HBEGF: variants seen among roughly 807,000 people sequenced by gnomAD.
The protein encoded by HBEGF is heparin binding EGF like growth factor, also known as proheparin-binding EGF-like growth factor.
In HBEGF, 8 loss-of-function variants were observed where a neutral mutation model predicts 19.5. That is an observed-to-expected ratio of 0.41 (90% confidence interval 0.24 to 0.74). The LOEUF is 0.74. HBEGF is among the 30% of genes least tolerant of loss of function. The probability of loss-of-function intolerance (pLI) is 0.32; values close to 1 mark genes in which losing one functional copy is unlikely to be tolerated. For missense variants in HBEGF, 207 were observed against 256.9 expected, an observed-to-expected ratio of 0.81 and a Z score of 1.33; for synonymous variants, 97 against 108.9, an observed-to-expected ratio of 0.89 and a Z score of 0.68.
intron 2 of HBEGF, among the ~76,000 whole-genome samples, chr5:140,344,567 T>C (rs1766365694): frequency 6.6e-6 from 1 of 151,904 alleles, no homozygotes; most frequent in Non-Finnish European, 1.5e-5. Flanking sequence ...TCCCCAGACC[T>C]GAAAAATAGT....
intron 2 of HBEGF, among the ~76,000 whole-genome samples, chr5:140,345,170 C>A (rs1276090907): frequency 6.6e-6 from 1 of 152,202 alleles, no homozygotes; most frequent in African/African-American, 2.4e-5. Flanking sequence ...TCTGGATAAT[C>A]TCCTCAGGTT....
intron 4 of HBEGF, among the ~76,000 whole-genome samples, chr5:140,335,307 C>T (rs886865764): frequency 2.6e-5 from 4 of 150,972 alleles, no homozygotes; most frequent in African/African-American, 9.7e-5. Flanking sequence ...TGGCGTGAAC[C>T]CAGGAGGCGG....
chr5:140,340,914 C>T (rs1161962396), intron 3 of HBEGF, among the ~76,000 whole-genome samples: 3 of 152,168 alleles, frequency 2.0e-5, no homozygotes, highest in African/African-American at 4.8e-5. Flanking sequence ...AAATTACTTC[C>T]TATTTTCTGG....
Position 140,346,238 on chromosome 5 carries a change from C to G in HBEGF, c.46+45G>C, listed in dbSNP as rs774568652. 3.4e-5 allele frequency: 53 copies of G among 1,577,998 alleles called. No homozygotes were observed. The highest frequency in any genetic ancestry group is 1.7e-4 in the Middle Eastern group (1 of 6,042). On this transcript the variant is annotated intron_variant, in intron 1 of 5. Transcript: ENST00000230990. This position sits in a 1 kb window ranked among gnomAD's most constrained non-coding sequence, Gnocchi z 6.1. ...ACCTTCCCCCATGCCCCCAGCACAA[C>G]GCCCCCATCCCCCCGATCTCCGGGG...
intron 3 of HBEGF, among the ~76,000 whole-genome samples, chr5:140,338,207 A>G (rs1357004283): frequency 1.3e-5 from 2 of 152,226 alleles, no homozygotes; most frequent in African/African-American, 4.8e-5. Context: ...ATTACTCATA[A>G]CTTGAATAAT....
At position 140,342,630 on chromosome 5, in the gene HBEGF, C is replaced by T; in HGVS notation, c.398+5G>A. 1 of 1,613,986 alleles carries T rather than the reference C, an allele frequency of 6.2e-7. No homozygotes were observed. The highest frequency in any genetic ancestry group is 8.5e-7 in the Non-Finnish European group (1 of 1,179,922). ...GAGATTCAGCCCTGGGGAAGGGGCACTTACATGCAGGAGGGAGCCCGGAGC... is the reference window on the plus strand; with the variant it reads ...GAGATTCAGCCCTGGGGAAGGGGCATTTACATGCAGGAGGGAGCCCGGAGC... On this transcript the variant is annotated splice_donor_5th_base_variant and intron_variant, in intron 3 of 5. Coordinates refer to ENST00000230990, the MANE Select transcript of HBEGF (RefSeq NM_001945.3).
At position 140,346,460 on chromosome 5, in the gene HBEGF, G is replaced by A. The variant is rs1017753989; in HGVS notation, c.-132C>T. ...CACCGTCTGCCGCCCGCCTCTGCGTGCAAGCCTGGCCGGGACCCAGGCGCA... is the reference window on the plus strand; with the variant it reads ...CACCGTCTGCCGCCCGCCTCTGCGTACAAGCCTGGCCGGGACCCAGGCGCA... On this transcript the variant is annotated 5_prime_UTR_variant, in exon 1 of 6. Transcript: ENST00000230990. The surrounding 1 kb of genome is among the most constrained non-coding windows in gnomAD (Gnocchi z 6.1). 2.0e-6 allele frequency: 2 copies of A among 983,346 alleles called. No homozygotes were observed. The highest frequency in any genetic ancestry group is 2.2e-5 in the Admixed American group (1 of 46,432). The allele number at this position is 983,346 out of a possible 1,614,324, so 60.9% of individuals were successfully genotyped here. A position where few individuals can be genotyped will look rare whatever the true frequency, so the allele number is the denominator to read the frequency against.
intron 2 of HBEGF, among the ~76,000 whole-genome samples, chr5:140,345,437 C>A (rs1439627811): frequency 1.3e-5 from 2 of 152,190 alleles, no homozygotes; most frequent in Non-Finnish European, 2.9e-5. Context: ...CCCTCTGTTT[C>A]CCCAATCTGG....
intron 3 of HBEGF, among the ~76,000 whole-genome samples, chr5:140,341,684 A>C (rs954788620): frequency 2.0e-5 from 3 of 152,242 alleles, no homozygotes; most frequent in Admixed American, 6.5e-5. Flanking sequence ...GGCTGGAGGC[A>C]GTGTGCATAC....
chr5:140,334,561 C>T, intron 5 of HBEGF, 97 bp downstream of exon 5: 1 of 829,012 alleles, frequency 1.2e-6, no homozygotes, highest in Non-Finnish European at 2.1e-6. Context: ...GTAGCCTGGC[C>T]CCCAACCCCT....
intron 3 of HBEGF, 75 bp from the exon 4 acceptor site, chr5:140,336,102 C>A: frequency 1.4e-6 from 2 of 1,472,518 alleles, no homozygotes; most frequent in Non-Finnish European, 1.9e-6. Flanking sequence ...CCTGCATAAG[C>A]CAAACCCCAT....
intron 5 of HBEGF, 40 bp downstream of exon 5, chr5:140,334,618 A>G (rs2126715607): frequency 7.2e-7 from 1 of 1,381,994 alleles, no homozygotes; most frequent in East Asian, 2.3e-5. Flanking sequence ...GAAAGGGGAC[A>G]AAGGATAATC....
intron 5 of HBEGF, 24 bp downstream of exon 5, chr5:140,334,634 A>G: frequency 1.4e-6 from 2 of 1,479,342 alleles, no homozygotes; most frequent in Non-Finnish European, 9.5e-7. Context: ...TAATCATGTC[A>G]TGGGGCAAAG....
At chr5:140,341,752 C>T (rs1761223724) in intron 3 of HBEGF, among the ~76,000 whole-genome samples, 1 of 152,328 alleles carries the variant, frequency 6.6e-6, no homozygotes. Context: ...CCTCCCTCCC[C>T]ACAGGGAAGG....
chr5:140,338,021 T>C (rs1766253829), intron 3 of HBEGF, among the ~76,000 whole-genome samples: 1 of 152,270 alleles, frequency 6.6e-6, no homozygotes, highest in African/African-American at 2.4e-5. Context: ...TCACCAAAAG[T>C]GGCACAACTA....
At position 140,334,291 on chromosome 5, in the gene HBEGF, A is replaced by G. The variant is rs1766195421; in HGVS notation, c.*19-11T>C. 5.2e-6 allele frequency: 1 copy of G among 193,324 alleles called. No individual in the cohort carries two copies. The highest frequency in any genetic ancestry group is 2.3e-5 in the African/African-American group (1 of 42,664). The allele number at this position is 193,324 out of a possible 1,614,324, so 12.0% of individuals were successfully genotyped here. ...GTCCCCAGCCGATTCCTAAAGCACA[A>G]AAGGAAGGCATGTAAAGCCAGGTCC... On this transcript the variant is annotated splice_polypyrimidine_tract_variant and intron_variant, in intron 5 of 5. Transcript: ENST00000230990.
At chr5:140,338,754 A>G (rs1362844266) in intron 3 of HBEGF, among the ~76,000 whole-genome samples, 4 of 152,228 alleles carry the variant, frequency 2.6e-5, no homozygotes, top group African/African-American at 9.6e-5. Flanking sequence ...AGAGCCAGCC[A>G]CCCACCAGAC....
chr5:140,341,875 G>A (rs1049271486), intron 3 of HBEGF, among the ~76,000 whole-genome samples: 1 of 152,188 alleles, frequency 6.6e-6, no homozygotes, highest in Non-Finnish European at 1.5e-5. Flanking sequence ...CAAGGCAGCC[G>A]TTTGCTGGGT....
intron 3 of HBEGF, among the ~76,000 whole-genome samples, chr5:140,340,119 T>G (rs1416643113): frequency 6.6e-6 from 1 of 151,678 alleles, no homozygotes; most frequent in African/African-American, 2.4e-5. Context: ...AAACCCCATC[T>G]CCACAAAAAT....
Sources: gnomAD v4.1 joint callset for allele counts (sites outside exome capture counted in the v4.1 genomes callset) on GRCh38, gnomAD v4.1.1 for gene constraint, Gnocchi (gnomAD v3.1) non-coding constraint, MANE v1.5 for transcripts, NCBI Gene and HGNC (gene_info 2026-07-23, HGNC 2026-07-21) for gene names.